The following ADAMTS19 variants were observed in gnomAD, a reference collection of about 807,000 sequenced individuals.
The protein encoded by ADAMTS19 is A disintegrin and metalloproteinase with thrombospondin motifs 19.
A neutral mutation model predicts 153.3 loss-of-function variants in ADAMTS19; 93 were observed. The ratio of observed to expected loss-of-function variants is 0.61; its 90% CI spans 0.51 to 0.72. The LOEUF (loss-of-function observed/expected upper bound fraction) is 0.72, where lower values mean the gene tolerates loss of function less well. Among genes scored for constraint, ADAMTS19 ranks in the 30% least tolerant of loss-of-function variants. The pLI is 0.00. For missense variants in ADAMTS19, 1,482 were observed against 1,552.1 expected, an observed-to-expected ratio of 0.95 and a Z score of 0.76; for synonymous variants, 600 against 556.6, an observed-to-expected ratio of 1.08 and a Z score of -1.10.
chr5:129,542,998 T>G (rs901200208), intron 6 of ADAMTS19, among the ~76,000 whole-genome samples: 6 of 151,680 alleles, frequency 4.0e-5, no homozygotes, highest in African/African-American at 1.2e-4. Context: ...TTATCAAGAA[T>G]GGATTAACTA....
chr5:129,551,084 A>G (rs1331778367), intron 6 of ADAMTS19, among the ~76,000 whole-genome samples: 1 of 151,712 alleles, frequency 6.6e-6, no homozygotes, highest in Non-Finnish European at 1.5e-5. Flanking sequence ...TAGGTGGTAG[A>G]TATTATTACT....
intron 21 of ADAMTS19, among the ~76,000 whole-genome samples, chr5:129,710,149 G>C (rs1365680799): frequency 2.0e-5 from 3 of 152,008 alleles, no homozygotes; most frequent in Non-Finnish European, 4.4e-5. Flanking sequence ...ACAAGCCCTA[G>C]TGTGTGTTGT....
chr5:129,554,928 C>T (rs1205683276), intron 7 of ADAMTS19, among the ~76,000 whole-genome samples: 3 of 152,082 alleles, frequency 2.0e-5, no homozygotes, highest in Admixed American at 6.6e-5. Flanking sequence ...CTATCACTCT[C>T]TAGTAAAACA....
intron 21 of ADAMTS19, among the ~76,000 whole-genome samples, chr5:129,713,856 T>G (rs944398646): frequency 6.6e-6 from 1 of 151,858 alleles, no homozygotes; most frequent in Non-Finnish European, 1.5e-5. Flanking sequence ...TCAGGATGAC[T>G]GGATGGCACT....
chr5:129,718,155 G>A (rs72792845), intron 21 of ADAMTS19, among the ~76,000 whole-genome samples: 2,396 of 152,052 alleles, frequency 0.016, 40 homozygotes, highest in Non-Finnish European at 0.023. Context: ...TTCCATTGTT[G>A]TGGTGATCAG....
intron 6 of ADAMTS19, among the ~76,000 whole-genome samples, chr5:129,538,586 A>G (rs1219564664): frequency 6.6e-6 from 1 of 152,084 alleles, no homozygotes; most frequent in Non-Finnish European, 1.5e-5. Flanking sequence ...TTAAAAGGAA[A>G]AGAAGAAAGC....
At chr5:129,637,682 TA>T (rs1344716949) in intron 10 of ADAMTS19, among the ~76,000 whole-genome samples, 2 of 152,068 alleles carry the variant, frequency 1.3e-5, no homozygotes, top group Admixed American at 1.3e-4. Context: ...CTGTCTCTAC[TA>T]AAAGTACAAA....
Position 129,701,584 on chromosome 5 carries a change from T to G in ADAMTS19, c.3151T>G (p.Trp1051Gly). 3 of 1,614,118 alleles carry G rather than the reference T, an allele frequency of 1.9e-6. No individual in the cohort carries two copies. The highest frequency in any genetic ancestry group is 2.5e-6 in the Non-Finnish European group (3 of 1,180,016). The change falls in exon 20 of 23, where the codon TGG becomes GGG. Residue 1051 changes from tryptophan (W) to glycine (G), a missense_variant. By Grantham distance (184) the Trp-to-Gly change is radical. This residue lies in a region of ADAMTS19 where 616 missense variants were observed against 724.4 expected (regional missense o/e 0.85). Coordinates refer to ENST00000274487, the MANE Select transcript of ADAMTS19 (RefSeq NM_133638.6). Reference sequence around the variant, plus strand: ...CATGACCGTGTGGGAGGCGGGAGTGTGGTCTGAGGTGCATACATGCCCCCT... The same window carrying G: ...CATGACCGTGTGGGAGGCGGGAGTGGGGTCTGAGGTGCATACATGCCCCCT... ...DCMTVWEAGV[W>G]SECSVKCGKG...
intron 10 of ADAMTS19, among the ~76,000 whole-genome samples, chr5:129,628,132 T>G (rs60614242): frequency 6.6e-6 from 1 of 151,974 alleles, no homozygotes; most frequent in East Asian, 1.9e-4. Context: ...TAAAAAAGAA[T>G]GAGACCGTGT....
intron 21 of ADAMTS19, among the ~76,000 whole-genome samples, chr5:129,715,747 T>C (rs1381298102): frequency 6.6e-6 from 1 of 152,148 alleles, no homozygotes; most frequent in Non-Finnish European, 1.5e-5. Flanking sequence ...AGATTGTGAA[T>C]TCTATTTTGG....
chr5:129,675,610 A>T lies in ADAMTS19; in HGVS notation c.2507-4154A>T, dbSNP rs181416700. 2.2e-3 allele frequency among the ~76,000 whole-genome samples: 328 copies of T among 152,070 alleles called. 1 individual carries two copies. Among genetic ancestry groups the T allele is most frequent in the African/African-American group, 6.9e-3 (286 of 41,504 alleles). On this transcript the variant is annotated intron_variant, in intron 16 of 22. Transcript: ENST00000274487. ...CTTTATCATTACAGTTATTATATAT[A>T]TTTTTTCTATTTCTATTTTACATAT... is the stretch of plus-strand genomic sequence containing the variant.
chr5:129,598,586 A>G (rs920906184), intron 8 of ADAMTS19, among the ~76,000 whole-genome samples: 5 of 152,212 alleles, frequency 3.3e-5, no homozygotes, highest in African/African-American at 1.2e-4. Context: ...TAATTTTTTA[A>G]TTGACCAAAA....
At chr5:129,585,517 G>A (rs1275407501) in intron 7 of ADAMTS19, among the ~76,000 whole-genome samples, 3 of 151,856 alleles carry the variant, frequency 2.0e-5, no homozygotes, top group Non-Finnish European at 2.9e-5. Flanking sequence ...TTGAACACTT[G>A]TACTATATCC....
At chr5:129,667,740 C>T (rs1016643388) in intron 16 of ADAMTS19, among the ~76,000 whole-genome samples, 2 of 152,028 alleles carry the variant, frequency 1.3e-5, no homozygotes, top group African/African-American at 4.8e-5. Flanking sequence ...CCCACAGAAC[C>T]GAGAGCCAAT....
chr5:129,541,538 C>T (rs1052559997), intron 6 of ADAMTS19, among the ~76,000 whole-genome samples: 4 of 151,766 alleles, frequency 2.6e-5, no homozygotes, highest in African/African-American at 4.8e-5. Flanking sequence ...TTGGGTGTTT[C>T]CTTCTCCATT....
At chr5:129,681,759 T>C (rs1754825376) in intron 17 of ADAMTS19, among the ~76,000 whole-genome samples, 1 of 152,130 alleles carries the variant, frequency 6.6e-6, no homozygotes, top group African/African-American at 2.4e-5. Flanking sequence ...GAATAATCAT[T>C]TTGTGCATCA....
intron 16 of ADAMTS19, among the ~76,000 whole-genome samples, chr5:129,674,315 A>G (rs575523880): frequency 1.2e-4 from 18 of 151,900 alleles, no homozygotes; most frequent in African/African-American, 3.4e-4. Context: ...ATTTTAACCA[A>G]TGTATTTTTA....
chr5:129,728,550 C>G (rs13176364), intron 21 of ADAMTS19, among the ~76,000 whole-genome samples: 4,734 of 152,210 alleles, frequency 0.031, 78 homozygotes, highest in Admixed American at 0.044. Flanking sequence ...GAAGCCCCCT[C>G]TCTTGGGGTC....
intron 11 of ADAMTS19, among the ~76,000 whole-genome samples, chr5:129,643,435 G>T (rs1353800337): frequency 6.7e-6 from 1 of 148,832 alleles, no homozygotes; most frequent in Non-Finnish European, 1.5e-5. Flanking sequence ...GTAATTAGAA[G>T]TTACCTCTTG....
Sources: allele counts gnomAD v4.1 joint callset (sites outside exome capture counted in the v4.1 genomes callset), GRCh38; gene constraint gnomAD v4.1.1; regional missense constraint gnomAD v4.1.1; transcripts MANE v1.5; gene names NCBI Gene and HGNC (gene_info 2026-07-23, HGNC 2026-07-21).